The following SLCO1B1 variants were observed in gnomAD, a reference collection of about 807,000 sequenced individuals.
The protein encoded by SLCO1B1 is OATP-2.
A neutral mutation model predicts 70.1 loss-of-function variants in SLCO1B1; 81 were observed. The ratio of observed to expected loss-of-function variants is 1.16; its 90% CI spans 0.97 to 1.39. The LOEUF (loss-of-function observed/expected upper bound fraction) is 1.39. Among genes scored for constraint, SLCO1B1 ranks in the 40% most tolerant of loss-of-function variants. The probability of loss-of-function intolerance (pLI) is 0.00; values close to 1 mark genes in which losing one functional copy is unlikely to be tolerated. For missense variants in SLCO1B1, 895 were observed against 799.6 expected, an observed-to-expected ratio of 1.12 and a Z score of -1.44; for synonymous variants, 283 against 271.5, an observed-to-expected ratio of 1.04 and a Z score of -0.42.
chr12:21,132,183 G>A (rs1940146312), intron 1 of SLCO1B1, among the ~76,000 whole-genome samples: 1 of 152,082 alleles, frequency 6.6e-6, no homozygotes. Context: ...TTTTATGGCT[G>A]CATAGTATTC....
Position 21,152,480 on chromosome 12 carries a change from C to T in SLCO1B1, c.84+10822C>T, listed in dbSNP as rs915861290. Among the ~76,000 whole-genome samples the T allele has an allele frequency of 2.9e-5, 4 of 139,612 alleles. No individual in the cohort carries two copies. The East Asian group carries it at 8.9e-4, about 31-fold the overall frequency. The allele number at this position is 139,612 out of a possible 152,430, so 91.6% of individuals were successfully genotyped here. ...ACATAATGTATTGAGTTTTGTAAAA[C>T]CTGCTATACATAGGCCTTCAATAAT... is the stretch of plus-strand genomic sequence containing the variant. On this transcript the variant is annotated intron_variant, in intron 2 of 14. Transcript: ENST00000256958.
rs187932023 is a variant in SLCO1B1, at chr12:21,161,773, C to T, written c.85-10877C>T. ...TTATAATCATAGCACTTTGGGATGC[C>T]GAGGTGGGCGAATCACTTGAGGTCG... On this transcript the variant is annotated intron_variant, in intron 2 of 14. Coordinates refer to ENST00000256958, the MANE Select transcript of SLCO1B1 (RefSeq NM_006446.5). Among the ~76,000 whole-genome samples the T allele has an allele frequency of 2.8e-3, 419 of 152,002 alleles. 1 individual carries two copies. The highest frequency in any genetic ancestry group is 9.6e-3 in the African/African-American group (399 of 41,454).
rs1297165163 is a variant in SLCO1B1 at position 21,200,643 on chromosome 12, A to C, written c.1106A>C (p.Gln369Pro). 1.9e-6 allele frequency: 3 copies of C among 1,612,502 alleles called. No homozygotes were observed. In the Admixed American group the frequency reaches 5.0e-5, roughly 27 times the overall value. Residue 369 changes from glutamine to proline, a missense_variant, in exon 9 of 15, where the codon CAG becomes CCG. Gln to Pro is a moderately conservative substitution (Grantham distance 76). Transcript: ENST00000256958. ...VFKYVEQQYG[Q>P]PSSKANILLG... ...AAATACGTAGAGCAACAGTATGGTC[A>C]GCCTTCATCTAAGGCTAACATCTTA... is the stretch of plus-strand genomic sequence containing the variant.
rs112828745 is a variant in SLCO1B1 at position 21,141,926 on chromosome 12, T to A, written c.84+268T>A. ...TTGATAGCTTCTCTTTGGTTTTGGA[T>A]TGATCACGACATATTTAGGAATGTG... On this transcript the variant is annotated intron_variant, in intron 2 of 14. Transcript: ENST00000256958. 9.2e-5 allele frequency among the ~76,000 whole-genome samples: 14 copies of A among 151,908 alleles called. 1 individual carries two copies. Among genetic ancestry groups the A allele is most frequent in the Admixed American group, 3.3e-4 (5 of 15,234 alleles).
intron 11 of SLCO1B1, among the ~76,000 whole-genome samples, chr12:21,214,530 G>T (rs1042168315): frequency 4.6e-5 from 7 of 150,742 alleles, no homozygotes; most frequent in Admixed American, 1.3e-4. Context: ...TCTGTGCCCT[G>T]CCCCCAGAGG....
At chr12:21,147,572 G>C (rs939300984) in intron 2 of SLCO1B1, among the ~76,000 whole-genome samples, 2 of 152,064 alleles carry the variant, frequency 1.3e-5, no homozygotes, top group African/African-American at 4.8e-5. Flanking sequence ...TGAGAATGAT[G>C]GTTTCCAGCT....
chr12:21,161,721 T>TA (rs200985246), intron 2 of SLCO1B1, among the ~76,000 whole-genome samples: 90 of 148,634 alleles, frequency 6.1e-4, no homozygotes, highest in Middle Eastern at 3.4e-3. Flanking sequence ...AATGTCAAAT[T>TA]AAAAAAAAAA....
chr12:21,163,730 C>G (rs1391634896), intron 2 of SLCO1B1, among the ~76,000 whole-genome samples: 1 of 152,100 alleles, frequency 6.6e-6, no homozygotes. Flanking sequence ...GTACAAATCT[C>G]ATTCATGAGG....
chr12:21,181,337 G>GA (rs561785538), intron 7 of SLCO1B1, among the ~76,000 whole-genome samples: 19 of 151,704 alleles, frequency 1.3e-4, no homozygotes, highest in African/African-American at 3.9e-4. Context: ...TGAAAGAACA[G>GA]AAAAAAAAGT....
intron 7 of SLCO1B1, among the ~76,000 whole-genome samples, chr12:21,192,819 A>G (rs146606050): frequency 2.0e-5 from 3 of 152,160 alleles, no homozygotes; most frequent in African/African-American, 7.2e-5. Context: ...TGGAAATGAA[A>G]TTTACCCTAC....
chr12:21,182,424 G>A lies in SLCO1B1; in HGVS notation c.727+3404G>A, dbSNP rs767345401. ...GCAGCCATAGGCGCCCAACATCCAA[G>A]GCTCTCTTTCTTCCACCAAGTAGCT... On this transcript the variant is annotated intron_variant, in intron 7 of 14. Transcript: ENST00000256958. Among the ~76,000 whole-genome samples the A allele has an allele frequency of 1.2e-4, 18 of 152,140 alleles. 1 individual carries two copies. The highest frequency in any genetic ancestry group is 7.7e-4 in the East Asian group (4 of 5,168).
At chr12:21,179,181 A>G (rs1264142396) in intron 7 of SLCO1B1, among the ~76,000 whole-genome samples, 161 bp downstream of exon 7, 1 of 152,192 alleles carries the variant, frequency 6.6e-6, no homozygotes, top group Non-Finnish European at 1.5e-5. Flanking sequence ...CAGAATAAAT[A>G]TAAAATCCAG....
intron 7 of SLCO1B1, among the ~76,000 whole-genome samples, chr12:21,189,217 G>T (rs201809288): frequency 6.6e-6 from 1 of 152,020 alleles, no homozygotes; most frequent in Non-Finnish European, 1.5e-5. Flanking sequence ...GTACCTTTTT[G>T]TATTCTACCA....
intron 7 of SLCO1B1, among the ~76,000 whole-genome samples, chr12:21,184,172 C>T (rs763133951): frequency 1.3e-4 from 20 of 152,066 alleles, no homozygotes; most frequent in Admixed American, 7.2e-4. Context: ...ACTTGTAAAA[C>T]GTATTTGCAG....
At position 21,200,619 on chromosome 12, in the gene SLCO1B1, A is replaced by G. The variant is rs1180827710; in HGVS notation, c.1082A>G (p.Lys361Arg). ...SYIGAFTYVFKYVEQQYGQPS... is the reference protein window; with the variant it reads ...SYIGAFTYVFRYVEQQYGQPS... The stretch of plus-strand genomic sequence containing the variant: ...ATTGGTGCTTTTACTTATGTCTTCA[A>G]ATACGTAGAGCAACAGTATGGTCAG... The change falls in exon 9 of 15, where the codon AAA becomes AGA. Residue 361 changes from lysine to arginine, a missense_variant. By Grantham distance (26) the Lys-to-Arg change is conservative. Coordinates refer to ENST00000256958, the MANE Select transcript of SLCO1B1 (RefSeq NM_006446.5). 6.2e-7 allele frequency: 1 copy of G among 1,612,298 alleles called. No individual in the cohort carries two copies. Among genetic ancestry groups the G allele is most frequent in the Admixed American group, 1.7e-5 (1 of 59,882 alleles).
Position 21,212,172 on chromosome 12 carries a change from A to T in SLCO1B1, c.1498-4947A>T, listed in dbSNP as rs1373437500. ...TGTGATGTTAGGGTGTCAATTTTGG[A>T]TCTTTCCTGCTTTCTCTTGTGGGCA... On this transcript the variant is annotated intron_variant, in intron 11 of 14. Transcript: ENST00000256958. Among the ~76,000 whole-genome samples the T allele has an allele frequency of 5.5e-5, 6 of 109,342 alleles. No homozygotes were observed. In the East Asian group the frequency reaches 1.5e-3, roughly 27 times the overall value. 71.7% of individuals were successfully genotyped at this position (109,342 alleles called of 152,430 possible).
intron 2 of SLCO1B1, among the ~76,000 whole-genome samples, chr12:21,163,929 G>A (rs1202295281): frequency 7.5e-6 from 1 of 132,690 alleles, no homozygotes; most frequent in African/African-American, 2.6e-5. Context: ...AAGACGGTAT[G>A]AAACAAATCA....
intron 11 of SLCO1B1, among the ~76,000 whole-genome samples, chr12:21,207,209 A>G (rs1941224662): frequency 6.6e-6 from 1 of 151,970 alleles, no homozygotes; most frequent in Non-Finnish European, 1.5e-5. Flanking sequence ...GTGATAAGCT[A>G]AAGTTTAGGG....
chr12:21,173,613 A>T lies in SLCO1B1; in HGVS notation c.226+822A>T, dbSNP rs1487370933. On this transcript the variant is annotated intron_variant, in intron 3 of 14. Transcript: ENST00000256958. ...GCCCTTGTACCCGTAAAGGTACTAA[A>T]TTTTTTATAAAGTAAAAAAAAAATT... 1.5e-5 allele frequency among the ~76,000 whole-genome samples: 2 copies of T among 132,252 alleles called. 1 individual carries two copies. Among genetic ancestry groups the T allele is most frequent in the South Asian group, 4.3e-4 (2 of 4,602 alleles). 86.8% of individuals were successfully genotyped at this position (132,252 alleles called of 152,430 possible). A position where few individuals can be genotyped will look rare whatever the true frequency, so the allele number is the denominator to read the frequency against.
Sources: allele counts gnomAD v4.1 joint callset (sites outside exome capture counted in the v4.1 genomes callset), GRCh38; gene constraint gnomAD v4.1.1; transcripts MANE v1.5; gene names NCBI Gene and HGNC (gene_info 2026-07-23, HGNC 2026-07-21).